Variants in RAPGEF5 observed in about 807,000 individuals in gnomAD.
RAPGEF5 encodes the protein Rap guanine nucleotide exchange factor 5.
RAPGEF5 carries 65 observed loss-of-function variants against 125.2 expected under a neutral mutation model. That is an observed-to-expected ratio of 0.52 (90% CI 0.43 to 0.64). RAPGEF5 has a LOEUF of 0.64. Among genes scored for constraint, RAPGEF5 ranks in the 30% least tolerant of loss-of-function variants. RAPGEF5 has a pLI of 0.00. For missense variants in RAPGEF5, 958 were observed against 1,048.1 expected (o/e 0.91, Z 1.19); for synonymous variants, 391 against 385.9 (o/e 1.01, Z -0.16).
chr7:22,202,874 T>C (rs775526653), intron 9 of RAPGEF5: 5 of 321,816 alleles, frequency 1.6e-5, no homozygotes, highest in East Asian at 9.7e-5. Context: ...CCCTACCTTA[T>C]AGACCCAGTT....
chr7:22,189,605 T>C (rs1296552925), intron 11 of RAPGEF5, among the ~76,000 whole-genome samples: 1 of 151,928 alleles, frequency 6.6e-6, no homozygotes, highest in Admixed American at 6.6e-5. Flanking sequence ...AAGATAAAGC[T>C]CCAGAAACAA....
At chr7:22,309,124 A>T (rs1284230732) in intron 4 of RAPGEF5, among the ~76,000 whole-genome samples, 1 of 152,284 alleles carries the variant, frequency 6.6e-6, no homozygotes, top group African/African-American at 2.4e-5. Flanking sequence ...ATCAAGAGCT[A>T]GAGATTTTTC....
intron 7 of RAPGEF5, among the ~76,000 whole-genome samples, chr7:22,233,637 A>G (rs530974641): frequency 6.6e-6 from 1 of 152,242 alleles, no homozygotes; most frequent in African/African-American, 2.4e-5. Context: ...GGCTCAAGCA[A>G]TCCTCCCGTC....
chr7:22,163,911 T>C (rs1254557739), intron 12 of RAPGEF5, among the ~76,000 whole-genome samples: 1 of 152,248 alleles, frequency 6.6e-6, no homozygotes, highest in Non-Finnish European at 1.5e-5. Flanking sequence ...ATTTAGTCAA[T>C]GTCTCCCCAT....
chr7:22,186,179 G>T (rs927016899), intron 11 of RAPGEF5, among the ~76,000 whole-genome samples: 2 of 152,112 alleles, frequency 1.3e-5, no homozygotes, highest in Admixed American at 6.6e-5. Context: ...TGGATAAAGC[G>T]ATTTTCACAG....
At chr7:22,316,840 A>G (rs74471363) in intron 2 of RAPGEF5, among the ~76,000 whole-genome samples, 2,549 of 151,990 alleles carry the variant, frequency 0.017, 66 homozygotes, top group African/African-American at 0.058. Context: ...AATTGATAAT[A>G]TAATGATTAT....
At chr7:22,166,749 C>A (rs1296633676) in intron 12 of RAPGEF5, among the ~76,000 whole-genome samples, 2 of 152,230 alleles carry the variant, frequency 1.3e-5, no homozygotes, top group Admixed American at 6.5e-5. Flanking sequence ...CCATTCCACA[C>A]AATCTCTTGA....
At chr7:22,314,603 T>G (rs574624824) in intron 3 of RAPGEF5, 1 of 978,612 alleles carries the variant, frequency 1.0e-6, no homozygotes, top group Admixed American at 6.2e-5. Flanking sequence ...CTGAGTCCTC[T>G]TCTTACTCTT....
intron 7 of RAPGEF5, among the ~76,000 whole-genome samples, chr7:22,234,561 AG>A (rs1786138692): frequency 6.6e-6 from 1 of 152,236 alleles, no homozygotes; most frequent in Non-Finnish European, 1.5e-5. Context: ...TACAAGTGCA[AG>A]ATCTAAAGCA....
intron 3 of RAPGEF5, among the ~76,000 whole-genome samples, chr7:22,312,836 G>C (rs903976805): frequency 3.3e-5 from 5 of 152,120 alleles, no homozygotes; most frequent in Admixed American, 6.5e-5. Flanking sequence ...TATCACCAAA[G>C]CATACAAAAT....
intron 3 of RAPGEF5, among the ~76,000 whole-genome samples, chr7:22,313,162 G>A (rs1042985603): frequency 6.6e-6 from 1 of 152,182 alleles, no homozygotes. Flanking sequence ...AATCTCCAGA[G>A]TTGAAAATTT....
At chr7:22,266,643 T>G (rs1782289130) in intron 7 of RAPGEF5, among the ~76,000 whole-genome samples, 1 of 152,186 alleles carries the variant, frequency 6.6e-6, no homozygotes, top group African/African-American at 2.4e-5. Flanking sequence ...AATTACAAGG[T>G]GATCGGCTTA....
chr7:22,326,665 T>C (rs1220760419), intron 1 of RAPGEF5, among the ~76,000 whole-genome samples: 1 of 152,238 alleles, frequency 6.6e-6, no homozygotes, highest in Non-Finnish European at 1.5e-5. Context: ...TAAGGCACAA[T>C]TCCATCTCTA....
chr7:22,332,085 TTA>T (rs1783933960), intron 1 of RAPGEF5, among the ~76,000 whole-genome samples: 1 of 152,206 alleles, frequency 6.6e-6, no homozygotes, highest in African/African-American at 2.4e-5. Context: ...ATGAAAAATT[TTA>T]TCTTATGTGT....
At chr7:22,150,250 G>GT (rs1175457716) in intron 18 of RAPGEF5, among the ~76,000 whole-genome samples, 157 bp downstream of exon 18, 1 of 151,658 alleles carries the variant, frequency 6.6e-6, no homozygotes, top group Non-Finnish European at 1.5e-5. Flanking sequence ...TAATTCTTAA[G>GT]TTTTTTTGTA....
intron 7 of RAPGEF5, among the ~76,000 whole-genome samples, chr7:22,232,200 C>G (rs1321649489): frequency 6.6e-6 from 1 of 152,190 alleles, no homozygotes; most frequent in Non-Finnish European, 1.5e-5. Context: ...TTGTATCCAT[C>G]ATGCCATTTA....
intron 6 of RAPGEF5, among the ~76,000 whole-genome samples, chr7:22,286,521 G>A (rs998628386): frequency 6.6e-6 from 1 of 152,122 alleles, no homozygotes; most frequent in Admixed American, 6.5e-5. Flanking sequence ...TTTTGTTCTG[G>A]TTGTTGATTT....
chr7:22,177,272 A>G (rs114795563), intron 11 of RAPGEF5, among the ~76,000 whole-genome samples: 3,501 of 152,258 alleles, frequency 0.023, 142 homozygotes, highest in African/African-American at 0.08. Context: ...ATGTCTGGGC[A>G]GTCCTCCACA....
intron 7 of RAPGEF5, among the ~76,000 whole-genome samples, chr7:22,261,563 G>A (rs768948744): frequency 6.6e-5 from 10 of 152,182 alleles, no homozygotes; most frequent in South Asian, 2.1e-4. Flanking sequence ...AGTGAGCAGT[G>A]AGCTGTGAGC....
Sources: allele counts gnomAD v4.1 joint callset (sites outside exome capture counted in the v4.1 genomes callset), GRCh38; gene constraint gnomAD v4.1.1; transcripts MANE v1.5; gene names NCBI Gene and HGNC (gene_info 2026-07-23, HGNC 2026-07-21).